FHIT: variants seen among roughly 807,000 people sequenced by gnomAD.
FHIT encodes the protein fragile histidine triad diadenosine triphosphatase.
A neutral mutation model predicts 17.9 loss-of-function variants in FHIT; 19 were observed. The ratio of observed to expected loss-of-function variants is 1.06; its 90% CI spans 0.74 to 1.56. FHIT has a LOEUF of 1.56. Ranked by LOEUF, FHIT falls within the 40% of genes most tolerant of loss-of-function variation. FHIT has a pLI of 0.00. For missense variants in FHIT, 248 were observed against 189.2 expected (o/e 1.31, Z -1.82); for synonymous variants, 81 against 69.7 (o/e 1.16, Z -0.81).
At chr3:60,956,414 C>A (rs1381781563) in intron 3 of FHIT, among the ~76,000 whole-genome samples, 7 of 152,298 alleles carry the variant, frequency 4.6e-5, no homozygotes, top group Middle Eastern at 3.4e-3. Flanking sequence ...TCTTGGGCTG[C>A]AGGTTCTTGT....
intron 5 of FHIT, among the ~76,000 whole-genome samples, chr3:60,395,138 G>A (rs1212149763): frequency 6.6e-6 from 1 of 152,178 alleles, no homozygotes; most frequent in Non-Finnish European, 1.5e-5. Flanking sequence ...GAATTGAGTA[G>A]AAAGGTCAGG....
intron 5 of FHIT, among the ~76,000 whole-genome samples, chr3:60,040,614 A>C (rs867809056): frequency 6.6e-6 from 1 of 152,118 alleles, no homozygotes; most frequent in South Asian, 2.1e-4. Flanking sequence ...ATGCTTCAGA[A>C]TCTGTGAAAT....
At chr3:60,003,171 A>T (rs1006784362) in intron 7 of FHIT, among the ~76,000 whole-genome samples, 2 of 152,172 alleles carry the variant, frequency 1.3e-5, no homozygotes, top group African/African-American at 4.8e-5. Context: ...TGTAAAGCCG[A>T]AACCCTCAGG....
intron 7 of FHIT, among the ~76,000 whole-genome samples, chr3:59,946,981 A>T (rs941600001): frequency 2.0e-5 from 3 of 152,006 alleles, no homozygotes; most frequent in African/African-American, 7.2e-5. Context: ...TTCTATTTTT[A>T]TTGTGTCTCT....
chr3:60,292,453 G>A (rs1249069591), intron 5 of FHIT, among the ~76,000 whole-genome samples: 2 of 152,082 alleles, frequency 1.3e-5, no homozygotes, highest in African/African-American at 4.8e-5. Flanking sequence ...TAACTTGGAT[G>A]TTAGCTGCCG....
At chr3:61,036,845 T>C (rs2033263993) in intron 3 of FHIT, among the ~76,000 whole-genome samples, 1 of 151,568 alleles carries the variant, frequency 6.6e-6, no homozygotes. Context: ...GCTTTCTCAC[T>C]GACTTGCCAT....
At chr3:60,346,512 C>T (rs895600326) in intron 5 of FHIT, among the ~76,000 whole-genome samples, 5 of 152,190 alleles carry the variant, frequency 3.3e-5, no homozygotes, top group African/African-American at 1.2e-4. Flanking sequence ...CTCTTCAGCT[C>T]ATCTGTGTGG....
intron 2 of FHIT, among the ~76,000 whole-genome samples, chr3:61,121,916 G>C (rs919440871): frequency 6.6e-6 from 1 of 152,064 alleles, no homozygotes; most frequent in African/African-American, 2.4e-5. Context: ...GCAAAAAAAA[G>C]CAGGGGTTGC....
chr3:60,148,781 A>T (rs917827345), intron 5 of FHIT, among the ~76,000 whole-genome samples: 1 of 152,230 alleles, frequency 6.6e-6, no homozygotes, highest in Non-Finnish European at 1.5e-5. Flanking sequence ...AGAGAAAGAC[A>T]CATTATTTCA....
intron 2 of FHIT, among the ~76,000 whole-genome samples, chr3:61,142,811 T>C (rs963546241): frequency 6.6e-6 from 1 of 152,202 alleles, no homozygotes; most frequent in Non-Finnish European, 1.5e-5. Flanking sequence ...TGTTAGCCTG[T>C]AATGAACATA....
intron 5 of FHIT, among the ~76,000 whole-genome samples, chr3:60,070,454 C>G (rs973226387): frequency 1.3e-5 from 2 of 152,216 alleles, no homozygotes; most frequent in Non-Finnish European, 2.9e-5. Flanking sequence ...ACCAATCATG[C>G]ATCATGACGA....
intron 5 of FHIT, among the ~76,000 whole-genome samples, chr3:60,388,714 C>T (rs1370045684): frequency 1.3e-5 from 2 of 152,220 alleles, no homozygotes; most frequent in African/African-American, 4.8e-5. Flanking sequence ...TTACTTTCCT[C>T]TTTGTGTGTT....
intron 8 of FHIT, among the ~76,000 whole-genome samples, chr3:59,755,839 A>AAAACAAAC (rs60658839): frequency 1.8e-4 from 28 of 152,182 alleles, no homozygotes; most frequent in Admixed American, 1.4e-3. Context: ...AACGTTATGA[A>AAAACAAAC]AAACAGTGAT....
chr3:59,922,153 A>G (rs1042751732), intron 8 of FHIT, among the ~76,000 whole-genome samples, 193 bp downstream of exon 8: 4 of 152,216 alleles, frequency 2.6e-5, no homozygotes, highest in African/African-American at 7.2e-5. Context: ...AAAGAAAATC[A>G]TTATAATTAA....
At chr3:61,119,222 A>G (rs2036385846) in intron 2 of FHIT, among the ~76,000 whole-genome samples, 1 of 151,358 alleles carries the variant, frequency 6.6e-6, no homozygotes, top group Admixed American at 6.6e-5. Context: ...CTGTGATAGT[A>G]ATTTTTTTTT....
chr3:60,217,166 C>CCT (rs1703733815), intron 5 of FHIT, among the ~76,000 whole-genome samples: 1 of 152,146 alleles, frequency 6.6e-6, no homozygotes, highest in African/African-American at 2.4e-5. Flanking sequence ...AAAGAATACA[C>CCT]AATTACAAGC....
rs140325278 is a variant in FHIT at position 59,987,693 on chromosome 3, G to A, written c.279+23678C>T. On this transcript the variant is annotated intron_variant, in intron 7 of 9. Coordinates refer to ENST00000492590, the MANE Select transcript of FHIT (RefSeq NM_002012.4). ...TATGCACTTTTTTTTCATCAATCTG[G>A]CACTAAAAATCCTGAATTCCTTTTG... 5.9e-5 allele frequency among the ~76,000 whole-genome samples: 9 copies of A among 151,762 alleles called. No homozygotes were observed. In the East Asian group the frequency reaches 1.2e-3, roughly 20 times the overall value.
intron 2 of FHIT, among the ~76,000 whole-genome samples, chr3:61,064,080 G>A (rs1024558476): frequency 3.9e-5 from 6 of 152,260 alleles, no homozygotes; most frequent in African/African-American, 4.8e-5. Flanking sequence ...AGGCTGAAAC[G>A]TACTGGTCTC....
intron 4 of FHIT, among the ~76,000 whole-genome samples, chr3:60,557,257 A>G (rs1183013127): frequency 6.6e-6 from 1 of 152,190 alleles, no homozygotes; most frequent in East Asian, 1.9e-4. Flanking sequence ...GTACCCAGGT[A>G]TGTGACACTG....
Sources: allele counts gnomAD v4.1 joint callset (sites outside exome capture counted in the v4.1 genomes callset), GRCh38; gene constraint gnomAD v4.1.1; transcripts MANE v1.5; gene names NCBI Gene and HGNC (gene_info 2026-07-23, HGNC 2026-07-21).